FBXO25: variants seen among roughly 807,000 people sequenced by gnomAD.
FBXO25 encodes F-box only protein 25.
A neutral mutation model predicts 51.9 loss-of-function variants in FBXO25; 45 were observed. That is an observed-to-expected ratio of 0.87 (90% confidence interval 0.68 to 1.11). The LOEUF (loss-of-function observed/expected upper bound fraction) is 1.11, where lower values mean the gene tolerates loss of function less well. Among genes scored for constraint, FBXO25 ranks in the 50% most tolerant of loss-of-function variants. The pLI, the probability that FBXO25 is intolerant of heterozygous loss-of-function variation, is 0.00. For missense variants in FBXO25, 507 were observed against 428.5 expected (o/e 1.18, Z -1.62); for synonymous variants, 199 against 151.0 (o/e 1.32, Z -2.33).
At chr8:425,730 T>A (rs960347416) in intron 2 of FBXO25, among the ~76,000 whole-genome samples, 2 of 152,096 alleles carry the variant, frequency 1.3e-5, no homozygotes, top group African/African-American at 4.8e-5. Flanking sequence ...GTATATCTTA[T>A]ATGCAGTATG....
chr8:454,145 C>T (rs981669857), intron 7 of FBXO25, among the ~76,000 whole-genome samples: 1 of 152,178 alleles, frequency 6.6e-6, no homozygotes, highest in African/African-American at 2.4e-5. Flanking sequence ...TACCTCGACA[C>T]CCCTTAAATC....
chr8:429,918 C>T (rs1262358866), intron 2 of FBXO25, among the ~76,000 whole-genome samples: 5 of 152,218 alleles, frequency 3.3e-5, no homozygotes, highest in South Asian at 2.1e-4. Context: ...CAGGAGGATG[C>T]GGTTACTGCA....
chr8:445,487 T>A (rs1267187196), intron 5 of FBXO25, among the ~76,000 whole-genome samples: 1 of 152,236 alleles, frequency 6.6e-6, no homozygotes, highest in Non-Finnish European at 1.5e-5. Flanking sequence ...TTTGGTCATG[T>A]GAGTTATATC....
intron 1 of FBXO25, chr8:407,328 G>T (rs1278067782): frequency 2.1e-6 from 2 of 961,792 alleles, no homozygotes; most frequent in South Asian, 4.9e-5. Flanking sequence ...GGCGCGTCAG[G>T]TGGGGACGGG....
chr8:476,236 TC>T lies in FBXO25; in HGVS notation c.*7434del, dbSNP rs1800638606. On this transcript the variant is annotated 3_prime_UTR_variant, in exon 10 of 10. Transcript: ENST00000350302. ...AATCTTACTTGGCCATGATGTGTAA[TC>T]CTTTCAATGTCCCACTGAATCCTGT... 3.3e-5 allele frequency: 5 copies of T among 152,320 alleles called. No homozygotes were observed. Among genetic ancestry groups the T allele is most frequent in the African/African-American group, 1.2e-4 (5 of 41,578 alleles). The allele number at this position is 152,320 out of a possible 1,614,324, so 9.4% of individuals were successfully genotyped here.
chr8:418,920 G>C (rs1166756358), intron 2 of FBXO25, among the ~76,000 whole-genome samples: 2 of 152,038 alleles, frequency 1.3e-5, no homozygotes, highest in Non-Finnish European at 2.9e-5. Flanking sequence ...AACTGTAAAA[G>C]GCTAAAACTG....
intron 2 of FBXO25, among the ~76,000 whole-genome samples, chr8:415,010 A>G (rs1796712230): frequency 1.3e-5 from 2 of 152,198 alleles, no homozygotes; most frequent in South Asian, 2.1e-4. Context: ...CTTTCTCTGG[A>G]AGGAAAAACC....
intron 7 of FBXO25, among the ~76,000 whole-genome samples, chr8:454,805 T>C (rs1799312436): frequency 6.7e-6 from 1 of 149,494 alleles, no homozygotes; most frequent in African/African-American, 2.5e-5. Context: ...GCAGGAGAAT[T>C]GCTTGAACCC....
At chr8:458,624 C>G in intron 8 of FBXO25, 73 bp downstream of exon 8, 22 of 1,424,260 alleles carry the variant, frequency 1.5e-5, no homozygotes, top group Non-Finnish European at 2.0e-5. Context: ...ACCCTATAAA[C>G]TCACCTGGAG....
At chr8:453,505 T>C (rs1005479935) in intron 7 of FBXO25, among the ~76,000 whole-genome samples, 2 of 152,156 alleles carry the variant, frequency 1.3e-5, no homozygotes, top group African/African-American at 2.4e-5. Context: ...AAGAGCACTT[T>C]ACCAGCTCAG....
At position 415,187 on chromosome 8, in the gene FBXO25, A is replaced by C. The variant is rs541402086; in HGVS notation, c.134+1974A>C. On this transcript the variant is annotated intron_variant, in intron 2 of 9. Coordinates refer to ENST00000350302, the MANE Select transcript of FBXO25 (RefSeq NM_183420.2). ...GCTTTCAAAACTTAGAAAAAGAACTATAGTAAAAATAATTTAGGTAATCAA... is the reference window on the plus strand; with the variant it reads ...GCTTTCAAAACTTAGAAAAAGAACTCTAGTAAAAATAATTTAGGTAATCAA... Among the ~76,000 whole-genome samples the C allele has an allele frequency of 5.3e-5, 8 of 152,334 alleles. No homozygotes were observed. In the East Asian group the frequency reaches 1.3e-3, roughly 26 times the overall value.
intron 2 of FBXO25, among the ~76,000 whole-genome samples, chr8:429,485 G>A (rs566251120): frequency 1.4e-4 from 21 of 152,320 alleles, no homozygotes; most frequent in Admixed American, 3.3e-4. Flanking sequence ...TTGCTGTGAC[G>A]TGTAGTTGAT....
At chr8:445,195 C>G (rs764152192) in intron 5 of FBXO25, among the ~76,000 whole-genome samples, 35 of 152,194 alleles carry the variant, frequency 2.3e-4, no homozygotes, top group African/African-American at 4.8e-5. Flanking sequence ...TTCTGTAGTC[C>G]TCTGTGGGTA....
intron 9 of FBXO25, 33 bp from the exon 10 acceptor site, chr8:468,682 G>A (rs912553351): frequency 6.3e-7 from 1 of 1,591,728 alleles, no homozygotes; most frequent in Non-Finnish European, 8.6e-7. Context: ...TGGTGGTGGG[G>A]CCCCCTCCTA....
intron 9 of FBXO25, chr8:468,245 C>T (rs1242586302): frequency 9.9e-7 from 1 of 1,010,162 alleles, no homozygotes; most frequent in Non-Finnish European, 1.2e-6. Flanking sequence ...CGTGTGTCCC[C>T]CTCTCCTGTC....
At chr8:458,080 C>G (rs1295682431) in intron 7 of FBXO25, among the ~76,000 whole-genome samples, 1 of 152,224 alleles carries the variant, frequency 6.6e-6, no homozygotes, top group African/African-American at 2.4e-5. Context: ...TAGAGGAGTA[C>G]TGACCTCCTG....
intron 2 of FBXO25, among the ~76,000 whole-genome samples, chr8:423,458 C>T (rs1361845920): frequency 1.3e-5 from 2 of 152,066 alleles, no homozygotes; most frequent in African/African-American, 4.8e-5. Flanking sequence ...CCTCTACCTT[C>T]TAGTAGTCCC....
intron 4 of FBXO25, among the ~76,000 whole-genome samples, chr8:433,512 G>C (rs185589970): frequency 6.6e-6 from 1 of 152,094 alleles, no homozygotes; most frequent in Non-Finnish European, 1.5e-5. Context: ...TAGTAATTGG[G>C]TTGGGTTTGT....
chr8:450,302 A>G (rs570427257), intron 6 of FBXO25, among the ~76,000 whole-genome samples: 2 of 152,332 alleles, frequency 1.3e-5, no homozygotes, highest in South Asian at 4.1e-4. Context: ...AAATGGATAT[A>G]TTAGGAAAAA....
Sources: gnomAD v4.1 joint callset for allele counts (sites outside exome capture counted in the v4.1 genomes callset) on GRCh38, gnomAD v4.1.1 for gene constraint, MANE v1.5 for transcripts, NCBI Gene and HGNC (gene_info 2026-07-23, HGNC 2026-07-21) for gene names.